The following C1D variants were observed in gnomAD, a reference collection of about 807,000 sequenced individuals.
The protein encoded by C1D is nuclear nucleic acid-binding protein C1D.
A neutral mutation model predicts 17.5 loss-of-function variants in C1D; 10 were observed. That is an observed-to-expected ratio of 0.57 (90% CI 0.35 to 0.97). The LOEUF (loss-of-function observed/expected upper bound fraction) is 0.97. C1D is among the 50% of genes least tolerant of loss of function. C1D has a pLI of 0.01. For missense variants in C1D, 136 were observed against 160.1 expected (o/e 0.85, Z 0.81); for synonymous variants, 49 against 54.0 (o/e 0.91, Z 0.40).
intron 4 of C1D, 66 bp from the exon 5 acceptor site, chr2:68,043,119 C>T: frequency 8.2e-7 from 1 of 1,224,170 alleles, no homozygotes; most frequent in Non-Finnish European, 1.2e-6. Context: ...TTTTATTATA[C>T]TGTACACCTT....
intron 1 of C1D, among the ~76,000 whole-genome samples, chr2:68,056,139 T>C (rs956226045): frequency 3.9e-5 from 6 of 152,232 alleles, no homozygotes; most frequent in African/African-American, 1.4e-4. Context: ...AAAAATCCTT[T>C]TGAGACAGAG....
rs1670983049 is a variant in C1D at position 68,042,416 on chromosome 2, A to T, written c.*473T>A. On this transcript the variant is annotated 3_prime_UTR_variant, in exon 5 of 5. Coordinates refer to ENST00000410067, the MANE Select transcript of C1D (RefSeq NM_173177.3). Reference sequence around the variant, plus strand: ...AAGCAGTAATTCCTAAAATCATGAAAACATGATAAAGTATCTATACAGAAA... The same window carrying T: ...AAGCAGTAATTCCTAAAATCATGAATACATGATAAAGTATCTATACAGAAA... The T allele has an allele frequency of 6.5e-6, 1 of 152,736 alleles. No individual in the cohort carries two copies. The highest frequency in any genetic ancestry group is 2.1e-4 in the South Asian group (1 of 4,846). The allele number at this position is 152,736 out of a possible 1,614,324, so 9.5% of individuals were successfully genotyped here.
intron 1 of C1D, among the ~76,000 whole-genome samples, chr2:68,056,163 C>T (rs1375837982): frequency 6.6e-6 from 1 of 152,194 alleles, no homozygotes; most frequent in Admixed American, 6.5e-5. Flanking sequence ...TGCTGTCTCG[C>T]CCAAGCTGGA....
intron 1 of C1D, among the ~76,000 whole-genome samples, chr2:68,058,235 G>A (rs140756090): frequency 6.8e-4 from 103 of 152,320 alleles, no homozygotes; most frequent in African/African-American, 2.5e-3. Context: ...ATGATAGGCA[G>A]CCCTGATACT....
At chr2:68,046,112 CTAGT>C (rs1173632339) in intron 3 of C1D, 69 bp from the exon 4 acceptor site, 13 of 1,116,686 alleles carry the variant, frequency 1.2e-5, no homozygotes, top group Non-Finnish European at 1.5e-5. Flanking sequence ...ATTAAAGAAA[CTAGT>C]TATTCACAAA....
In C1D at chr2:68,045,974, A is replaced by T. The variant is rs1414811619; in HGVS notation, c.261+14T>A. The T allele has an allele frequency of 6.4e-7, 1 of 1,551,034 alleles. No individual in the cohort carries two copies. Among genetic ancestry groups the T allele is most frequent in the Non-Finnish European group, 8.8e-7 (1 of 1,136,502 alleles). On this transcript the variant is annotated intron_variant, in intron 4 of 4. Transcript: ENST00000410067. ...ACAACAAACACATAAAATAAAAAGA[A>T]ATTAAAATCTTACCAATTCCTGTTT...
intron 1 of C1D, among the ~76,000 whole-genome samples, chr2:68,056,664 A>C (rs937013813): frequency 2.0e-5 from 3 of 152,318 alleles, no homozygotes; most frequent in Admixed American, 2.0e-4. Context: ...AAGCATAAAG[A>C]AAGCTACTCA....
intron 4 of C1D, among the ~76,000 whole-genome samples, chr2:68,045,231 T>C (rs1251781776): frequency 6.6e-6 from 1 of 152,182 alleles, no homozygotes; most frequent in Non-Finnish European, 1.5e-5. Flanking sequence ...AGAACAAGAA[T>C]ACAATGTCAA....
chr2:68,052,433 C>G (rs1413384872), intron 1 of C1D, among the ~76,000 whole-genome samples: 1 of 151,986 alleles, frequency 6.6e-6, no homozygotes, highest in Non-Finnish European at 1.5e-5. Context: ...TTAACAAATA[C>G]TGTATGTATT....
At chr2:68,055,988 A>G (rs192669240) in intron 1 of C1D, among the ~76,000 whole-genome samples, 63 of 152,330 alleles carry the variant, frequency 4.1e-4, no homozygotes, top group African/African-American at 1.4e-3. Flanking sequence ...ATATAACTGG[A>G]GTGAGGGAGA....
Position 68,048,400 on chromosome 2 carries a change from T to C in C1D, c.-9-1081A>G, listed in dbSNP as rs556365652. On this transcript the variant is annotated intron_variant, in intron 1 of 4. Coordinates refer to ENST00000410067, the MANE Select transcript of C1D (RefSeq NM_173177.3). ...GTAAAGAGACTTGGGCTTTCTGTCTTGATCACTGACTTTGTCACCTGAGAT... is the reference window on the plus strand; with the variant it reads ...GTAAAGAGACTTGGGCTTTCTGTCTCGATCACTGACTTTGTCACCTGAGAT... 3.9e-4 allele frequency among the ~76,000 whole-genome samples: 59 copies of C among 152,332 alleles called. 1 individual carries two copies. The South Asian group carries it at 8.3e-3, about 21-fold the overall frequency.
intron 1 of C1D, among the ~76,000 whole-genome samples, chr2:68,048,200 T>C (rs1185230968): frequency 6.6e-6 from 1 of 152,190 alleles, no homozygotes; most frequent in African/African-American, 2.4e-5. Flanking sequence ...AATTCACCTA[T>C]ATCAATGTAT....
At chr2:68,044,148 C>T (rs1671049549) in intron 4 of C1D, among the ~76,000 whole-genome samples, 1 of 152,156 alleles carries the variant, frequency 6.6e-6, no homozygotes, top group Admixed American at 6.5e-5. Flanking sequence ...TCTTTGTTCC[C>T]ATAACTTTCC....
chr2:68,047,506 TG>T (rs1327524040), intron 1 of C1D, among the ~76,000 whole-genome samples, 187 bp from the exon 2 acceptor site: 2 of 152,210 alleles, frequency 1.3e-5, no homozygotes, highest in Non-Finnish European at 2.9e-5. Context: ...TTAAGTTTCT[TG>T]GGGGGCTGTG....
At chr2:68,060,616 C>G (rs957545982) in intron 1 of C1D, among the ~76,000 whole-genome samples, 1 of 140,592 alleles carries the variant, frequency 7.1e-6, no homozygotes, top group Admixed American at 7.0e-5. Flanking sequence ...GCACTCCAGC[C>G]TGAGCAACAG....
rs569811886 is a variant in C1D, at chr2:68,042,664, G to A, written c.*225C>T. 95 of 289,388 alleles carry A rather than the reference G, an allele frequency of 3.3e-4. No homozygotes were observed. Among genetic ancestry groups the A allele is most frequent in the Non-Finnish European group, 4.6e-4 (69 of 149,130 alleles). 17.9% of individuals were successfully genotyped at this position (289,388 alleles called of 1,614,324 possible). ...GAAATAAGAGTCTCATCAAGAGATG[G>A]TAAATTATAAATATATAATATATCA... On this transcript the variant is annotated 3_prime_UTR_variant, in exon 5 of 5. Transcript: ENST00000410067.
chr2:68,050,219 G>GT (rs924622034), intron 1 of C1D, among the ~76,000 whole-genome samples: 2 of 151,548 alleles, frequency 1.3e-5, no homozygotes, highest in Non-Finnish European at 2.9e-5. Flanking sequence ...ACTTACTCCA[G>GT]TTTGTCATGT....
chr2:68,061,878 T>C (rs1671639398), intron 1 of C1D, among the ~76,000 whole-genome samples: 1 of 152,256 alleles, frequency 6.6e-6, no homozygotes, highest in Non-Finnish European at 1.5e-5. Flanking sequence ...TGAAGGCAGC[T>C]GTAGTATCTT....
chr2:68,043,934 C>T (rs1671044153), intron 4 of C1D, among the ~76,000 whole-genome samples: 1 of 152,212 alleles, frequency 6.6e-6, no homozygotes, highest in Non-Finnish European at 1.5e-5. Context: ...ATACTAGCTA[C>T]AGCACACACA....
Sources: gnomAD v4.1 joint callset for allele counts (sites outside exome capture counted in the v4.1 genomes callset) on GRCh38, gnomAD v4.1.1 for gene constraint, MANE v1.5 for transcripts, NCBI Gene and HGNC (gene_info 2026-07-23, HGNC 2026-07-21) for gene names.